Variants in CACNA2D3 observed in about 807,000 individuals in gnomAD.
CACNA2D3 encodes the protein voltage-dependent calcium channel subunit alpha-2/delta-3.
Under a neutral mutation model 160.6 loss-of-function variants are expected in CACNA2D3, and 60 were observed. The observed-to-expected ratio is 0.37, with a 90% confidence interval of 0.30 to 0.46. The LOEUF (loss-of-function observed/expected upper bound fraction) is 0.46. CACNA2D3 is among the 20% of genes least tolerant of loss of function. CACNA2D3 has a pLI of 1.00. For synonymous variants in CACNA2D3, 558 were observed against 492.9 expected, an observed-to-expected ratio of 1.13 and a Z score of -1.75; for missense variants, 1,205 against 1,365.0, an observed-to-expected ratio of 0.88 and a Z score of 1.85.
chr3:54,326,195 C>T (rs150135501), intron 3 of CACNA2D3, among the ~76,000 whole-genome samples: 9 of 152,172 alleles, frequency 5.9e-5, no homozygotes, highest in Non-Finnish European at 1.0e-4. Context: ...AGACATTTTT[C>T]CTAGGAAACG....
Position 54,152,938 on chromosome 3 carries a change from A to T in CACNA2D3, c.204+29344A>T, listed in dbSNP as rs567999820. 1.4e-3 allele frequency among the ~76,000 whole-genome samples: 217 copies of T among 152,314 alleles called. 2 individuals are homozygous for T. Among genetic ancestry groups the T allele is most frequent in the African/African-American group, 4.9e-3 (205 of 41,578 alleles). On this transcript the variant is annotated intron_variant, in intron 2 of 37. Transcript: ENST00000474759. ...GGAGCTTTCTCTAAGTTGGATGCAT[A>T]CAGGTGACACTCATGATGTGGGCAG...
At chr3:54,726,196 A>G (rs2107001036) in intron 11 of CACNA2D3, among the ~76,000 whole-genome samples, 1 of 152,280 alleles carries the variant, frequency 6.6e-6, no homozygotes, top group East Asian at 1.9e-4. Context: ...CAGGAATACA[A>G]CTTACAAGGG....
At chr3:54,394,517 T>G (rs1699340481) in intron 4 of CACNA2D3, among the ~76,000 whole-genome samples, 1 of 125,620 alleles carries the variant, frequency 8.0e-6, no homozygotes, top group Non-Finnish European at 1.6e-5. Flanking sequence ...CCCCTTCCTG[T>G]GTCCATGTGA....
intron 3 of CACNA2D3, among the ~76,000 whole-genome samples, chr3:54,367,341 G>A (rs1252597829): frequency 6.6e-6 from 1 of 152,100 alleles, no homozygotes; most frequent in East Asian, 1.9e-4. Context: ...TCCTAGCCCC[G>A]TTATGAGTAT....
chr3:55,005,379 T>C (rs1703073110), intron 32 of CACNA2D3, among the ~76,000 whole-genome samples: 1 of 152,208 alleles, frequency 6.6e-6, no homozygotes, highest in Non-Finnish European at 1.5e-5. Flanking sequence ...CTAAAGTCTT[T>C]GATGGATTAA....
chr3:54,272,398 C>T (rs1433834618), intron 2 of CACNA2D3, among the ~76,000 whole-genome samples: 7 of 152,170 alleles, frequency 4.6e-5, no homozygotes, highest in Non-Finnish European at 8.8e-5. Flanking sequence ...CCATCTATGG[C>T]TCCTTAGGCC....
intron 14 of CACNA2D3, among the ~76,000 whole-genome samples, chr3:54,819,835 C>CCT (rs1342666744): frequency 6.6e-6 from 1 of 152,042 alleles, no homozygotes; most frequent in East Asian, 1.9e-4. Context: ...CAGGGTGAGA[C>CCT]TCCACCTCAA....
intron 13 of CACNA2D3, among the ~76,000 whole-genome samples, chr3:54,777,608 T>C (rs1281453715): frequency 1.3e-5 from 2 of 152,236 alleles, no homozygotes; most frequent in Non-Finnish European, 2.9e-5. Context: ...TAAACACGCT[T>C]GTCATTGATT....
chr3:55,013,440 G>A (rs917237132), intron 34 of CACNA2D3, among the ~76,000 whole-genome samples: 6 of 152,116 alleles, frequency 3.9e-5, no homozygotes, highest in African/African-American at 1.4e-4. Context: ...AGGTGAATTC[G>A]TCCATCTACA....
chr3:54,137,404 C>T (rs973140694), intron 2 of CACNA2D3, among the ~76,000 whole-genome samples: 12 of 152,244 alleles, frequency 7.9e-5, no homozygotes, highest in Admixed American at 1.3e-4. Context: ...AATAGGTTAC[C>T]GGGACCTGTG....
At chr3:54,631,522 T>C (rs1699237759) in intron 10 of CACNA2D3, among the ~76,000 whole-genome samples, 1 of 152,094 alleles carries the variant, frequency 6.6e-6, no homozygotes. Context: ...TAAAAAGTTA[T>C]TTCTTGAACA....
chr3:54,952,540 G>A (rs1363005001), intron 27 of CACNA2D3, among the ~76,000 whole-genome samples: 2 of 152,182 alleles, frequency 1.3e-5, no homozygotes, highest in African/African-American at 4.8e-5. Context: ...TAAGCAGACG[G>A]AATGTCAATC....
chr3:54,705,686 GC>G (rs1700844614), intron 11 of CACNA2D3, among the ~76,000 whole-genome samples: 1 of 152,154 alleles, frequency 6.6e-6, no homozygotes, highest in South Asian at 2.1e-4. Flanking sequence ...ATAACTAAAA[GC>G]TTTGAATTAA....
At chr3:54,626,659 T>A (rs56209938) in intron 9 of CACNA2D3, 160,829 of 717,498 alleles carry the variant, frequency 0.22, 19,548 homozygotes, top group Non-Finnish European at 0.26. Flanking sequence ...GTGGCTCAGC[T>A]AATAAAGGCG....
intron 31 of CACNA2D3, among the ~76,000 whole-genome samples, chr3:55,001,703 A>C (rs1171235451): frequency 6.6e-6 from 1 of 152,214 alleles, no homozygotes; most frequent in Non-Finnish European, 1.5e-5. Context: ...ACAAAGAATA[A>C]AATCAGTCTT....
intron 11 of CACNA2D3, among the ~76,000 whole-genome samples, chr3:54,653,828 G>C (rs533119886): frequency 1.3e-4 from 20 of 152,288 alleles, no homozygotes; most frequent in African/African-American, 4.3e-4. Flanking sequence ...CCATCCAGGT[G>C]CTGCGGACCT....
intron 2 of CACNA2D3, among the ~76,000 whole-genome samples, chr3:54,172,281 T>A (rs1262341180): frequency 6.6e-6 from 1 of 152,208 alleles, no homozygotes; most frequent in Non-Finnish European, 1.5e-5. Flanking sequence ...GCCTGTGCAC[T>A]TGTTTTCGGT....
At chr3:54,805,665 C>T (rs922909750) in intron 13 of CACNA2D3, among the ~76,000 whole-genome samples, 2 of 152,152 alleles carry the variant, frequency 1.3e-5, no homozygotes, top group Non-Finnish European at 2.9e-5. Flanking sequence ...CTATTCCAGT[C>T]AATAGAAAAA....
intron 3 of CACNA2D3, among the ~76,000 whole-genome samples, chr3:54,343,359 A>G (rs931960772): frequency 1.4e-4 from 22 of 152,050 alleles, no homozygotes; most frequent in African/African-American, 5.3e-4. Context: ...TGGCACCATC[A>G]TAGCCCACTG....
Sources: gnomAD v4.1 joint callset for allele counts (sites outside exome capture counted in the v4.1 genomes callset) on GRCh38, gnomAD v4.1.1 for gene constraint, MANE v1.5 for transcripts, NCBI Gene and HGNC (gene_info 2026-07-23, HGNC 2026-07-21) for gene names.